Variants in RBMS3 observed in about 807,000 individuals in gnomAD.
The protein encoded by RBMS3 is RNA binding motif single stranded interacting protein 3, also known as RNA-binding motif, single-stranded-interacting protein 3.
In RBMS3, 27 loss-of-function variants were observed where a neutral mutation model predicts 66.8. The observed-to-expected ratio is 0.40, with a 90% confidence interval of 0.30 to 0.56. RBMS3 has a LOEUF of 0.56. Ranked by LOEUF, RBMS3 falls within the 20% of genes least tolerant of loss-of-function variation. RBMS3 has a pLI of 0.40. For synonymous variants in RBMS3, 188 were observed against 183.0 expected (o/e 1.03, Z -0.22); for missense variants, 513 against 549.5 (o/e 0.93, Z 0.66).
rs564983957 is a variant in RBMS3 at position 29,312,812 on chromosome 3, G to A, written c.75+31056G>A. On this transcript the variant is annotated intron_variant, in intron 1 of 14. Coordinates refer to ENST00000383767, the MANE Select transcript of RBMS3 (RefSeq NM_001003793.3). ...CTGTATTAACCTTTTGTAGAACTGC[G>A]CTTCCCTGGAAACTGTGGACTTTAG... Among the ~76,000 whole-genome samples, 14 of 151,442 alleles carry A rather than the reference G, an allele frequency of 9.2e-5. No homozygotes were observed. The East Asian group carries it at 2.5e-3, about 27-fold the overall frequency.
At chr3:29,720,618 T>A (rs2053602922) in intron 4 of RBMS3, among the ~76,000 whole-genome samples, 2 of 152,054 alleles carry the variant, frequency 1.3e-5, no homozygotes, top group Admixed American at 1.3e-4. Context: ...TCTCTGGCAT[T>A]TTTTTGTTGT....
chr3:29,409,991 A>G (rs7633327), intron 1 of RBMS3, among the ~76,000 whole-genome samples: 124,798 of 152,112 alleles, frequency 0.82, 51,775 homozygotes, highest in East Asian at 0.97. Context: ...TGGTTTTGGC[A>G]GCCACCGTTT....
chr3:29,957,783 C>G (rs980521528), intron 12 of RBMS3, among the ~76,000 whole-genome samples: 2 of 152,112 alleles, frequency 1.3e-5, no homozygotes, highest in Non-Finnish European at 2.9e-5. Context: ...TACTTTTATA[C>G]TCTTTTCATC....
At chr3:29,756,671 A>C (rs996570535) in intron 5 of RBMS3, among the ~76,000 whole-genome samples, 5 of 152,166 alleles carry the variant, frequency 3.3e-5, no homozygotes, top group Non-Finnish European at 7.3e-5. Flanking sequence ...TTGGGGACAC[A>C]GCAAAACCAT....
intron 8 of RBMS3, among the ~76,000 whole-genome samples, chr3:29,886,337 CA>C (rs2059870057): frequency 6.6e-6 from 1 of 151,734 alleles, no homozygotes; most frequent in African/African-American, 2.4e-5. Context: ...ATCCCATTTA[CA>C]GATAAGAAAA....
chr3:29,947,658 T>A, intron 12 of RBMS3, among the ~76,000 whole-genome samples: 1 of 151,478 alleles, frequency 6.6e-6, no homozygotes, highest in East Asian at 2.0e-4. Flanking sequence ...TTTTAGTATT[T>A]CTTTTCCATA....
chr3:29,930,097 T>C (rs1559811000), intron 10 of RBMS3, among the ~76,000 whole-genome samples: 1 of 75,076 alleles, frequency 1.3e-5, no homozygotes, highest in Admixed American at 1.6e-4. Flanking sequence ...TTTGTGTCAC[T>C]TTTCTTTCTT....
At chr3:29,323,726 A>ACACACACACACACACC (rs71091051) in intron 1 of RBMS3, among the ~76,000 whole-genome samples, 4 of 140,598 alleles carry the variant, frequency 2.8e-5, no homozygotes, top group Admixed American at 7.0e-5. Flanking sequence ...ACACACACAC[A>ACACACACACACACACC]CCCCTTGGAC....
At chr3:29,762,525 C>T (rs1169613282) in intron 5 of RBMS3, among the ~76,000 whole-genome samples, 2 of 152,126 alleles carry the variant, frequency 1.3e-5, no homozygotes, top group African/African-American at 4.8e-5. Context: ...GTTTAAGCCT[C>T]AGTGACCTTA....
At chr3:29,817,967 A>G (rs1056502006) in intron 6 of RBMS3, among the ~76,000 whole-genome samples, 4 of 152,154 alleles carry the variant, frequency 2.6e-5, no homozygotes, top group South Asian at 4.1e-4. Context: ...GCTATATGCT[A>G]TACTCTATGT....
chr3:29,918,851 TAA>T (rs2060701776), intron 10 of RBMS3, among the ~76,000 whole-genome samples: 1 of 152,034 alleles, frequency 6.6e-6, no homozygotes, highest in African/African-American at 2.4e-5. Flanking sequence ...CCCTACATAT[TAA>T]GTCTAAAAGA....
At chr3:29,597,524 A>G (rs2047989808) in intron 4 of RBMS3, among the ~76,000 whole-genome samples, 1 of 152,194 alleles carries the variant, frequency 6.6e-6, no homozygotes, top group African/African-American at 2.4e-5. Context: ...CACCGTGTCC[A>G]GGACACACTT....
chr3:29,439,480 C>CT (rs1309483972), intron 2 of RBMS3, among the ~76,000 whole-genome samples: 6 of 152,132 alleles, frequency 3.9e-5, no homozygotes, highest in South Asian at 2.1e-4. Flanking sequence ...CATATGCATT[C>CT]TTTTTTCCGT....
At chr3:29,647,565 A>C (rs563049025) in intron 4 of RBMS3, among the ~76,000 whole-genome samples, 1 of 151,908 alleles carries the variant, frequency 6.6e-6, no homozygotes, top group Non-Finnish European at 1.5e-5. Context: ...CAAATTCACA[A>C]ACTAAAAGAT....
intron 14 of RBMS3, 132 bp downstream of exon 14, chr3:29,991,341 A>T: frequency 6.8e-7 from 1 of 1,461,244 alleles, no homozygotes; most frequent in Non-Finnish European, 9.2e-7. Context: ...TATTTAGCTC[A>T]TGATTATGTG....
intron 5 of RBMS3, among the ~76,000 whole-genome samples, chr3:29,751,990 A>T: frequency 6.6e-6 from 1 of 152,146 alleles, no homozygotes; most frequent in East Asian, 1.9e-4. Flanking sequence ...TGGATGGCTT[A>T]AGTGTTTAAC....
intron 1 of RBMS3, among the ~76,000 whole-genome samples, chr3:29,325,597 CGT>C (rs1035648352): frequency 5.9e-5 from 8 of 134,678 alleles, no homozygotes; most frequent in African/African-American, 1.4e-4. Context: ...TATATATATA[CGT>C]GTGTGTATAT....
intron 3 of RBMS3, among the ~76,000 whole-genome samples, chr3:29,495,576 C>T (rs1228820422): frequency 6.6e-6 from 1 of 151,548 alleles, no homozygotes; most frequent in Non-Finnish European, 1.5e-5. Context: ...CCACCATGCC[C>T]CATTAATTTT....
intron 4 of RBMS3, among the ~76,000 whole-genome samples, chr3:29,626,006 G>C (rs1412091793): frequency 6.6e-6 from 1 of 152,132 alleles, no homozygotes; most frequent in Non-Finnish European, 1.5e-5. Flanking sequence ...ACTAATTTTA[G>C]TGGCAACCAA....
Sources: gnomAD v4.1 joint callset for allele counts (sites outside exome capture counted in the v4.1 genomes callset) on GRCh38, gnomAD v4.1.1 for gene constraint, MANE v1.5 for transcripts, NCBI Gene and HGNC (gene_info 2026-07-23, HGNC 2026-07-21) for gene names.